Variants in CPLX1 observed in about 807,000 individuals in gnomAD.
CPLX1 encodes complexin 1.
In CPLX1, 6 loss-of-function variants were observed where a neutral mutation model predicts 15.6. That is an observed-to-expected ratio of 0.39 (90% CI 0.21 to 0.76). CPLX1 has a LOEUF of 0.76. Ranked by LOEUF, CPLX1 falls within the 30% of genes least tolerant of loss-of-function variation. The pLI, the probability that CPLX1 is intolerant of heterozygous loss-of-function variation, is 0.43. For synonymous variants in CPLX1, 91 were observed against 75.2 expected, an observed-to-expected ratio of 1.21 and a Z score of -1.08; for missense variants, 242 against 188.6, an observed-to-expected ratio of 1.28 and a Z score of -1.66.
At chr4:791,757 G>A (rs940224497) in intron 3 of CPLX1, among the ~76,000 whole-genome samples, 3 of 152,164 alleles carry the variant, frequency 2.0e-5, no homozygotes, top group Non-Finnish European at 2.9e-5. Context: ...TGAGCACTGC[G>A]CCCCAGGCAG....
At chr4:805,054 TG>T (rs1198272390) in intron 2 of CPLX1, 3 of 556,426 alleles carry the variant, frequency 5.4e-6, no homozygotes, top group Non-Finnish European at 6.8e-6. Context: ...GGCCCTGGCG[TG>T]TGGCTGGAGA....
chr4:805,251 CTGT>C (rs1283113161), intron 2 of CPLX1, among the ~76,000 whole-genome samples: 1 of 152,088 alleles, frequency 6.6e-6, no homozygotes, highest in Non-Finnish European at 1.5e-5. Flanking sequence ...GAATATACCC[CTGT>C]TGTTAGGATT....
intron 2 of CPLX1, among the ~76,000 whole-genome samples, chr4:806,122 A>C (rs1746551416): frequency 6.6e-6 from 1 of 152,204 alleles, no homozygotes; most frequent in Non-Finnish European, 1.5e-5. Context: ...TTTACCACAA[A>C]AAAGAGAAGC....
chr4:814,871 A>G (rs1746722293), intron 2 of CPLX1, among the ~76,000 whole-genome samples: 1 of 152,224 alleles, frequency 6.6e-6, no homozygotes, highest in African/African-American at 2.4e-5. Flanking sequence ...GCCGTCCACC[A>G]GGTGAAAGAA....
chr4:815,330 G>C (rs186158409), intron 2 of CPLX1, among the ~76,000 whole-genome samples: 1 of 140,800 alleles, frequency 7.1e-6, no homozygotes, highest in Non-Finnish European at 1.5e-5. Flanking sequence ...AGAATTGCTT[G>C]AACCCAGGAG....
At position 786,394 on chromosome 4, in the gene CPLX1, G is replaced by C; in HGVS notation, c.*107C>G. The C allele has an allele frequency of 6.2e-6, 8 of 1,293,840 alleles. No individual in the cohort carries two copies. Among genetic ancestry groups the C allele is most frequent in the Non-Finnish European group, 8.3e-6 (8 of 967,354 alleles). 80.1% of individuals were successfully genotyped at this position (1,293,840 alleles called of 1,614,324 possible). On this transcript the variant is annotated 3_prime_UTR_variant, in exon 4 of 4. Coordinates refer to ENST00000304062, the MANE Select transcript of CPLX1 (RefSeq NM_006651.4). ...CGGGCAGGGCGGGCCTGGGGCTATG[G>C]CTTATATCGGCGTGGGGGCTGCGCT... is the stretch of plus-strand genomic sequence containing the variant.
rs1278013744 is a variant in CPLX1, at chr4:785,825, G to C, written c.*676C>G. 1 of 152,168 alleles carries C rather than the reference G, an allele frequency of 6.6e-6. No homozygotes were observed. Among genetic ancestry groups the C allele is most frequent in the African/African-American group, 2.4e-5 (1 of 41,412 alleles). 9.4% of individuals were successfully genotyped at this position (152,168 alleles called of 1,614,324 possible). On this transcript the variant is annotated 3_prime_UTR_variant, in exon 4 of 4. Coordinates refer to ENST00000304062, the MANE Select transcript of CPLX1 (RefSeq NM_006651.4). ...GGCCGGGCGGGGGGCGAGGACTTGG[G>C]AAGAGCGGGGTGACGGGGGTGGGGG...
At chr4:818,269 G>T (rs1219820828) in intron 2 of CPLX1, among the ~76,000 whole-genome samples, 1 of 152,198 alleles carries the variant, frequency 6.6e-6, no homozygotes, top group Non-Finnish European at 1.5e-5. Flanking sequence ...CGCCTGACCT[G>T]CTCACCTGCT....
chr4:788,474 C>CA (rs1746068282), intron 3 of CPLX1: 1 of 985,448 alleles, frequency 1.0e-6, no homozygotes, highest in African/African-American at 1.7e-5. Flanking sequence ...AGCCCCTGCG[C>CA]ACTCTTGACA....
Position 786,653 on chromosome 4 carries a change from C to A in CPLX1, c.253G>T (p.Ala85Ser), listed in dbSNP as rs1670928405. 6.2e-7 allele frequency: 1 copy of A among 1,611,466 alleles called. No homozygotes were observed. Among genetic ancestry groups the A allele is most frequent in the Non-Finnish European group, 8.5e-7 (1 of 1,178,924 alleles). ...KEEREAEAQA[A>S]MEANSEGSLT... is the part of the protein sequence containing the mutation. Reference sequence around the variant, plus strand: ...CTCCCCTCGGAGTTGGCCTCCATGGCGGCCTGGGCCTCGGCCTCGCGCTCC... The same window carrying A: ...CTCCCCTCGGAGTTGGCCTCCATGGAGGCCTGGGCCTCGGCCTCGCGCTCC... The change falls in exon 4 of 4, where the codon GCC (alanine) becomes TCC (serine). Residue 85 changes from alanine to serine, a missense_variant. By Grantham distance (99) the Ala-to-Ser change is moderately conservative. Transcript: ENST00000304062.
At chr4:817,551 T>C (rs1369644841) in intron 2 of CPLX1, among the ~76,000 whole-genome samples, 4 of 151,570 alleles carry the variant, frequency 2.6e-5, no homozygotes, top group African/African-American at 9.7e-5. Context: ...AGCGAGACTC[T>C]GTCTCAAAAA....
intron 2 of CPLX1, among the ~76,000 whole-genome samples, chr4:816,809 G>A (rs1323732008): frequency 6.6e-6 from 1 of 152,134 alleles, no homozygotes; most frequent in Non-Finnish European, 1.5e-5. Flanking sequence ...GCGACAGAGC[G>A]AGACCCTGTC....
chr4:794,931 AG>A (rs1462200348), intron 2 of CPLX1, among the ~76,000 whole-genome samples: 1 of 152,188 alleles, frequency 6.6e-6, no homozygotes, highest in African/African-American at 2.4e-5. Flanking sequence ...GCTCTGCTCC[AG>A]GGGTGCCTGT....
intron 3 of CPLX1, among the ~76,000 whole-genome samples, chr4:790,758 T>C (rs13122480): frequency 0.4 from 61,232 of 151,754 alleles, 13,399 homozygotes; most frequent in African/African-American, 0.57. Context: ...CTTTGTGTCC[T>C]TCCCTCAGCT....
rs961073573 is a variant in CPLX1 at position 793,980 on chromosome 4, T to C, written c.32-1372A>G. ...CGTTTCTGTGGATTCAGCAGCTCCA[T>C]GTCCCTGGCGCTCTGGGTTCCCCCT... is the stretch of plus-strand genomic sequence containing the variant. On this transcript the variant is annotated intron_variant, in intron 2 of 3. Transcript: ENST00000304062. 9.2e-5 allele frequency among the ~76,000 whole-genome samples: 14 copies of C among 152,360 alleles called. 1 individual carries two copies. The South Asian group carries it at 2.3e-3, about 25-fold the overall frequency.
intron 2 of CPLX1, chr4:805,018 G>A: frequency 2.5e-6 from 2 of 802,062 alleles, no homozygotes; most frequent in Non-Finnish European, 3.0e-6. Context: ...GCCCACGCAC[G>A]CTCGCGCACC....
chr4:816,509 C>T (rs1746759037), intron 2 of CPLX1, among the ~76,000 whole-genome samples: 1 of 152,184 alleles, frequency 6.6e-6, no homozygotes, highest in Non-Finnish European at 1.5e-5. Flanking sequence ...TAAGCCACTG[C>T]GCCCGGCCAA....
intron 1 of CPLX1, among the ~76,000 whole-genome samples, chr4:825,186 G>A (rs1365002298): frequency 6.6e-6 from 1 of 152,076 alleles, no homozygotes; most frequent in East Asian, 1.9e-4. Flanking sequence ...GTGGGGACGG[G>A]GACAGAGCAC....
chr4:800,301 A>G (rs1460031402), intron 2 of CPLX1, among the ~76,000 whole-genome samples: 1 of 152,116 alleles, frequency 6.6e-6, no homozygotes, highest in African/African-American at 2.4e-5. Flanking sequence ...GAAAAGGTAC[A>G]CCACAGGCTG....
Sources: allele counts gnomAD v4.1 joint callset (sites outside exome capture counted in the v4.1 genomes callset), GRCh38; gene constraint gnomAD v4.1.1; transcripts MANE v1.5; gene names NCBI Gene and HGNC (gene_info 2026-07-23, HGNC 2026-07-21).